The following TLR6 variants were observed in gnomAD, a reference collection of about 807,000 sequenced individuals.
The protein encoded by TLR6 is toll-like receptor 6.
Under a neutral mutation model 16.1 loss-of-function variants are expected in TLR6, and 9 were observed. The observed-to-expected ratio is 0.56, with a 90% CI of 0.34 to 0.98. The LOEUF is 0.98. Ranked by LOEUF, TLR6 falls within the 50% of genes least tolerant of loss-of-function variation. The pLI is 0.02. For missense variants in TLR6, 786 were observed against 921.0 expected (o/e 0.85, Z 1.90); for synonymous variants, 340 against 338.6 (o/e 1.00, Z -0.04).
chr4:38,848,713 A>G (rs1301906418), intron 1 of TLR6, among the ~76,000 whole-genome samples: 2 of 152,232 alleles, frequency 1.3e-5, no homozygotes, highest in East Asian at 1.9e-4. Context: ...ATGAAGTGAG[A>G]AGAGAAGTTT....
intron 1 of TLR6, among the ~76,000 whole-genome samples, chr4:38,835,568 C>T (rs1711869658): frequency 6.6e-6 from 1 of 152,120 alleles, no homozygotes; most frequent in African/African-American, 2.4e-5. Context: ...ATCATTTAGA[C>T]AGAATATCAG....
chr4:38,853,816 G>T (rs1354685706), intron 1 of TLR6, among the ~76,000 whole-genome samples: 1 of 152,118 alleles, frequency 6.6e-6, no homozygotes, highest in Admixed American at 6.5e-5. Context: ...TCCAAAAATA[G>T]CAGGTTATCA....
At chr4:38,823,659 T>C (rs1727409468), downstream of TLR6, 1 of 152,206 alleles carries the variant, frequency 6.6e-6, no homozygotes, top group African/African-American at 2.4e-5. Context: ...TTTGTATGGA[T>C]TTTTGTTTTG....
exon 2 of TLR6, chr4:38,827,853 C>T: frequency 6.2e-7 from 1 of 1,614,228 alleles, no homozygotes; most frequent in Non-Finnish European, 8.5e-7. Flanking sequence ...ATATTTTTGA[C>T]AAATTCTCTT....
chr4:38,841,547 T>C (rs1026510284), intron 1 of TLR6, among the ~76,000 whole-genome samples: 1 of 151,868 alleles, frequency 6.6e-6, no homozygotes, highest in Non-Finnish European at 1.5e-5. Context: ...GAGCAGAGAT[T>C]AAAAGGAGAG....
the TLR6 span, among the ~76,000 whole-genome samples, chr4:38,863,525 C>A: frequency 3.9e-5 from 6 of 152,184 alleles, no homozygotes; most frequent in Non-Finnish European, 4.4e-5. Flanking sequence ...CCTCTAACTC[C>A]AAACCTGCCC....
At chr4:38,843,323 C>T (rs1291567989) in intron 1 of TLR6, among the ~76,000 whole-genome samples, 2 of 152,154 alleles carry the variant, frequency 1.3e-5, no homozygotes, top group Non-Finnish European at 2.9e-5. Flanking sequence ...AAAGCAGCCA[C>T]CAACATTTTT....
At chr4:38,829,947 G>T (rs1727748008) in intron 1 of TLR6, among the ~76,000 whole-genome samples, 1 of 152,242 alleles carries the variant, frequency 6.6e-6, no homozygotes, top group Admixed American at 6.5e-5. Flanking sequence ...ACATCAAAAA[G>T]TCTGGGAAAT....
intron 1 of TLR6, among the ~76,000 whole-genome samples, chr4:38,849,753 T>G (rs558117940): frequency 3.3e-5 from 5 of 152,234 alleles, no homozygotes; most frequent in South Asian, 2.1e-4. Context: ...ATGCACCCAA[T>G]ACAAAGAGAC....
chr4:38,858,829 GAGGAAGAAAGA>G (rs1713113912), upstream of TLR6, among the ~76,000 whole-genome samples: 1 of 71,744 alleles, frequency 1.4e-5, no homozygotes, highest in Non-Finnish European at 2.8e-5. Flanking sequence ...GAGAGAGAGA[GAGGAAGAAAGA>G]AAGAAAGAAA....
intron 1 of TLR6, among the ~76,000 whole-genome samples, chr4:38,830,052 A>G (rs1005550765): frequency 6.6e-6 from 1 of 152,212 alleles, no homozygotes; most frequent in Non-Finnish European, 1.5e-5. Flanking sequence ...CACGTGCCCA[A>G]GGCTGGACGC....
chr4:38,862,527 C>T, the TLR6 span, among the ~76,000 whole-genome samples: 9 of 151,542 alleles, frequency 5.9e-5, no homozygotes, highest in African/African-American at 1.9e-4. Flanking sequence ...GTGATCTGCC[C>T]GCCTCAGCCT....
At chr4:38,829,787 C>A (rs1379905447) in intron 1 of TLR6, among the ~76,000 whole-genome samples, 2 of 152,220 alleles carry the variant, frequency 1.3e-5, no homozygotes, top group African/African-American at 2.4e-5. Context: ...GAGGGATTCA[C>A]ACTCAGGGGC....
exon 2 of TLR6, chr4:38,829,203 G>A: frequency 6.2e-7 from 1 of 1,614,174 alleles, no homozygotes; most frequent in Non-Finnish European, 8.5e-7. Context: ...CTTAAATCAA[G>A]TAGCTGGATT....
chr4:38,861,505 T>A (rs540958714), upstream of TLR6, among the ~76,000 whole-genome samples: 1 of 152,158 alleles, frequency 6.6e-6, no homozygotes, highest in South Asian at 2.1e-4. Flanking sequence ...TCATGCTCCA[T>A]CCTCTTCATT....
At chr4:38,840,583 G>A (rs570500048) in intron 1 of TLR6, among the ~76,000 whole-genome samples, 14 of 150,908 alleles carry the variant, frequency 9.3e-5, no homozygotes, top group African/African-American at 3.4e-4. Flanking sequence ...GCAATGAGCC[G>A]AGATCGCGCC....
intron 1 of TLR6, among the ~76,000 whole-genome samples, chr4:38,856,444 C>G (rs1712992578): frequency 6.6e-6 from 1 of 151,984 alleles, no homozygotes. Flanking sequence ...AAACAATAAA[C>G]TAGAGAAAGA....
At chr4:38,824,638 C>G (rs1197172013) in exon 2 of TLR6, 1 of 151,962 alleles carries the variant, frequency 6.6e-6, no homozygotes, top group Non-Finnish European at 1.5e-5. Flanking sequence ...ATCTGTTCAA[C>G]AGGGGTTGTG....
intron 1 of TLR6, among the ~76,000 whole-genome samples, chr4:38,836,091 A>G (rs1416793310): frequency 6.6e-6 from 1 of 152,126 alleles, no homozygotes; most frequent in African/African-American, 2.4e-5. Context: ...AGCAAGAACA[A>G]ACACTTTCAA....
Sources: gnomAD v4.1 joint callset for allele counts (sites outside exome capture counted in the v4.1 genomes callset) on GRCh38, gnomAD v4.1.1 for gene constraint, MANE v1.5 for transcripts, NCBI Gene and HGNC (gene_info 2026-07-23, HGNC 2026-07-21) for gene names.